The following CNTNAP4 variants were observed in gnomAD, a reference collection of about 807,000 sequenced individuals.
The protein encoded by CNTNAP4 is contactin associated protein family member 4, also known as contactin-associated protein-like 4.
Under a neutral mutation model 148.4 loss-of-function variants are expected in CNTNAP4, and 98 were observed. The observed-to-expected ratio is 0.66, with a 90% CI of 0.56 to 0.78. The LOEUF is 0.78. Ranked by LOEUF, CNTNAP4 falls within the 30% of genes least tolerant of loss-of-function variation. CNTNAP4 has a pLI of 0.00. For synonymous variants in CNTNAP4, 730 were observed against 565.1 expected (o/e 1.29, Z -4.14); for missense variants, 1,935 against 1,565.6 (o/e 1.24, Z -3.98).
chr16:76,286,906 T>A (rs1958910919), intron 1 of CNTNAP4, among the ~76,000 whole-genome samples: 1 of 152,206 alleles, frequency 6.6e-6, no homozygotes, highest in Non-Finnish European at 1.5e-5. Context: ...AAAGCAATTC[T>A]ATCTAAATTG....
chr16:76,504,918 A>T (rs1418714416), intron 15 of CNTNAP4, among the ~76,000 whole-genome samples: 1 of 152,170 alleles, frequency 6.6e-6, no homozygotes, highest in African/African-American at 2.4e-5. Flanking sequence ...CCAATATGTA[A>T]CTGTTAACAT....
intron 3 of CNTNAP4, among the ~76,000 whole-genome samples, chr16:76,371,097 T>C (rs1298105177): frequency 6.6e-6 from 1 of 152,170 alleles, no homozygotes; most frequent in African/African-American, 2.4e-5. Flanking sequence ...TAATCAATTA[T>C]CGATTCAATT....
rs2082804501 is a variant in CNTNAP4, at chr16:76,505,304, T to C, written c.2365+6610T>C. Among the ~76,000 whole-genome samples the C allele has an allele frequency of 2.0e-5, 2 of 100,204 alleles. 1 individual carries two copies. The highest frequency in any genetic ancestry group is 1.9e-4 in the Admixed American group (2 of 10,522). 65.7% of individuals were successfully genotyped at this position (100,204 alleles called of 152,430 possible). A position where few individuals can be genotyped will look rare whatever the true frequency, so the allele number is the denominator to read the frequency against. On this transcript the variant is annotated intron_variant, in intron 15 of 23. Coordinates refer to ENST00000611870, the MANE Select transcript of CNTNAP4 (RefSeq NM_033401.5). The stretch of plus-strand genomic sequence containing the variant: ...GGAATACTACTAAACAATTAAAAAA[T>C]AGACTATTGATAACGTGCAACAACA...
At chr16:76,306,362 C>A (rs1779450348) in intron 1 of CNTNAP4, among the ~76,000 whole-genome samples, 1 of 152,158 alleles carries the variant, frequency 6.6e-6, no homozygotes, top group Admixed American at 6.5e-5. Flanking sequence ...TGCGTATCAA[C>A]AGTGGGCCCT....
chr16:76,326,072 C>A (rs1319304097), intron 2 of CNTNAP4, among the ~76,000 whole-genome samples: 1 of 152,166 alleles, frequency 6.6e-6, no homozygotes, highest in Non-Finnish European at 1.5e-5. Flanking sequence ...TAAACTTACA[C>A]ATTCTCTCCC....
In CNTNAP4 at chr16:76,448,906, T is replaced by C. The variant is rs1204571841; in HGVS notation, c.882T>C (p.His294=). 1 of 1,613,864 alleles carries C rather than the reference T, an allele frequency of 6.2e-7. No homozygotes were observed. The highest frequency in any genetic ancestry group is 2.2e-5 in the East Asian group (1 of 44,856). The change falls in exon 6 of 24, where the codon CAT becomes CAC. Residue 294 remains histidine (H), a synonymous_variant. Coordinates refer to ENST00000611870, the MANE Select transcript of CNTNAP4 (RefSeq NM_033401.5). The part of the protein sequence containing the change: ...VNFTVDEHRH[H]FHARGEFNLM... ...TCACAGTGGACGAACACAGGCATCA[T>C]TTCCATGCACGGGGAGAATTCAATC...
chr16:76,496,616 C>T (rs2082410755), intron 14 of CNTNAP4, among the ~76,000 whole-genome samples: 1 of 152,094 alleles, frequency 6.6e-6, no homozygotes, highest in Non-Finnish European at 1.5e-5. Context: ...GCAAAATTCA[C>T]ACAGGCTCCA....
At chr16:76,556,518 C>G (rs771512596) in intron 23 of CNTNAP4, among the ~76,000 whole-genome samples, 1 of 152,114 alleles carries the variant, frequency 6.6e-6, no homozygotes, top group Non-Finnish European at 1.5e-5. Context: ...GATATTCTGT[C>G]TCGGCCAATG....
chr16:76,324,889 C>G (rs1962806979), intron 2 of CNTNAP4, among the ~76,000 whole-genome samples: 1 of 152,190 alleles, frequency 6.6e-6, no homozygotes, highest in African/African-American at 2.4e-5. Context: ...CCCAAAGGCC[C>G]CCTCTCCAAA....
rs545827220 is a variant in CNTNAP4, at chr16:76,447,896, G to A, written c.539-116G>A. ...CTCCATCATTAGTTGAGGAGCATCT[G>A]TATATGCATGTGTATGAGTACGTAT... On this transcript the variant is annotated intron_variant, in intron 4 of 23. Transcript: ENST00000611870. 1.1e-4 allele frequency: 75 copies of A among 682,022 alleles called. No individual in the cohort carries two copies. In the African/African-American group the frequency reaches 1.3e-3, roughly 11 times the overall value. 42.2% of individuals were successfully genotyped at this position (682,022 alleles called of 1,614,324 possible).
chr16:76,373,244 G>T (rs34315312), intron 3 of CNTNAP4, among the ~76,000 whole-genome samples: 1,596 of 78,904 alleles, frequency 0.02, 86 homozygotes, highest in Non-Finnish European at 0.033. Flanking sequence ...CACATAAATA[G>T]GTGAATATAT....
At chr16:76,540,062 CTT>C (rs892959865) in intron 20 of CNTNAP4, among the ~76,000 whole-genome samples, 1 of 152,086 alleles carries the variant, frequency 6.6e-6, no homozygotes, top group Admixed American at 6.6e-5. Context: ...AAATGCCAAT[CTT>C]TTCTAACTTG....
chr16:76,477,463 T>G (rs2081631098), intron 11 of CNTNAP4, among the ~76,000 whole-genome samples: 2 of 152,290 alleles, frequency 1.3e-5, no homozygotes, highest in South Asian at 4.1e-4. Context: ...TACACTGCAT[T>G]GTGCTCCTGC....
intron 3 of CNTNAP4, among the ~76,000 whole-genome samples, chr16:76,400,481 C>A (rs548932224): frequency 7.1e-4 from 108 of 152,046 alleles, no homozygotes; most frequent in Non-Finnish European, 1.4e-3. Context: ...ATATTTTCTT[C>A]TATTCTGTAA....
chr16:76,395,499 T>C (rs1597409160), intron 3 of CNTNAP4, among the ~76,000 whole-genome samples: 1 of 151,646 alleles, frequency 6.6e-6, no homozygotes, highest in Non-Finnish European at 1.5e-5. Context: ...CTCCTGACCT[T>C]GTGATCCACC....
intron 3 of CNTNAP4, among the ~76,000 whole-genome samples, chr16:76,384,156 G>T (rs2016279332): frequency 6.6e-6 from 1 of 152,004 alleles, no homozygotes; most frequent in African/African-American, 2.4e-5. Context: ...TGATTCTCCT[G>T]CCTCAGCCTC....
At chr16:76,460,658 A>G (rs2080911139) in intron 8 of CNTNAP4, among the ~76,000 whole-genome samples, 1 of 144,298 alleles carries the variant, frequency 6.9e-6, no homozygotes, top group Non-Finnish European at 1.5e-5. Context: ...AGCTACATTG[A>G]AGGAGAGTGG....
chr16:76,467,229 AT>A, intron 9 of CNTNAP4, 122 bp from the exon 10 acceptor site: 1 of 805,066 alleles, frequency 1.2e-6, no homozygotes, highest in Non-Finnish European at 1.9e-6. Context: ...TGCAGTCATT[AT>A]TCCCTCCTTT....
intron 3 of CNTNAP4, among the ~76,000 whole-genome samples, chr16:76,359,702 T>C (rs1202288206): frequency 6.6e-6 from 1 of 152,192 alleles, no homozygotes; most frequent in Admixed American, 6.5e-5. Context: ...TTCTGCTGAA[T>C]GGCAAACAAA....
Sources: gnomAD v4.1 joint callset for allele counts (sites outside exome capture counted in the v4.1 genomes callset) on GRCh38, gnomAD v4.1.1 for gene constraint, MANE v1.5 for transcripts, NCBI Gene and HGNC (gene_info 2026-07-23, HGNC 2026-07-21) for gene names.